Variants in SYNE1 observed in about 807,000 individuals in gnomAD.
SYNE1 encodes nesprin-1.
Under a neutral mutation model 1,111.0 loss-of-function variants are expected in SYNE1, and 616 were observed. The ratio of observed to expected loss-of-function variants is 0.55; its 90% CI spans 0.52 to 0.59. The LOEUF is 0.59. SYNE1 is among the 20% of genes least tolerant of loss of function. The pLI, the probability that SYNE1 is intolerant of heterozygous loss-of-function variation, is 0.00. For synonymous variants in SYNE1, 3,855 were observed against 3,825.8 expected (o/e 1.01, Z -0.28); for missense variants, 10,006 against 10,417.0 (o/e 0.96, Z 1.72).
chr6:152,135,124 C>T lies in SYNE1; in HGVS notation c.25768G>A (p.Asp8590Asn), dbSNP rs1239634339. 1 of 1,614,036 alleles carries T rather than the reference C, an allele frequency of 6.2e-7. No homozygotes were observed. Among genetic ancestry groups the T allele is most frequent in the African/African-American group, 1.3e-5 (1 of 75,012 alleles). The change falls in exon 142 of 146, where the codon GAC becomes AAC. Residue 8590 changes from aspartate (D) to asparagine (N), a missense_variant. Transcript: ENST00000367255. The part of the protein sequence containing the change: ...DSNLDAEILQ[D>N]HHKQLMQIKH... ...CTTACCATAAGCTGTTTGTGATGGT[C>T]CTGAAGTATCTCTGCATCAAGGTTA...
At chr6:152,340,540 G>A (rs533690863) in intron 74 of SYNE1, among the ~76,000 whole-genome samples, 6 of 152,264 alleles carry the variant, frequency 3.9e-5, no homozygotes, top group South Asian at 4.1e-4. Flanking sequence ...AACCAACAAC[G>A]TGTTCAGACA....
intron 130 of SYNE1, among the ~76,000 whole-genome samples, chr6:152,173,553 T>A (rs76087794): frequency 0.019 from 2,849 of 152,280 alleles, 44 homozygotes; most frequent in Non-Finnish European, 0.029. Context: ...GTGGGAAACA[T>A]GCATCCAATC....
At chr6:152,273,041 G>A (rs1430594448) in intron 98 of SYNE1, among the ~76,000 whole-genome samples, 1 of 152,134 alleles carries the variant, frequency 6.6e-6, no homozygotes, top group Non-Finnish European at 1.5e-5. Flanking sequence ...TATATGCTGG[G>A]AACTTCATTA....
At chr6:152,172,910 G>A (rs1218634454) in intron 130 of SYNE1, among the ~76,000 whole-genome samples, 3 of 152,132 alleles carry the variant, frequency 2.0e-5, no homozygotes, top group Non-Finnish European at 4.4e-5. Flanking sequence ...TTAAAATGTG[G>A]CCAGTGCAAC....
rs1416696042 is a variant in SYNE1, at chr6:152,353,302, T to C, written c.11214A>G (p.Val3738=). Residue 3738 remains valine (V), a synonymous_variant, in exon 69 of 146, where the codon GTA becomes GTG. Transcript: ENST00000367255. The part of the protein sequence containing the change: ...FKNVATKIDK[V]DTVMMGKKLK... ...ATTTCTTCCCCATCATTACTGTATC[T>C]ACTTTGTCAATCTTGGTAGCCACAT... The C allele has an allele frequency of 1.2e-6, 2 of 1,614,230 alleles. No individual in the cohort carries two copies. Among genetic ancestry groups the C allele is most frequent in the East Asian group, 4.5e-5 (2 of 44,892 alleles).
rs1402188826 is a variant in SYNE1 at position 152,206,349 on chromosome 6, A to G, written c.22838T>C (p.Val7613Ala). 5.6e-6 allele frequency: 9 copies of G among 1,613,648 alleles called. No individual in the cohort carries two copies. The highest frequency in any genetic ancestry group is 5.9e-6 in the Non-Finnish European group (7 of 1,179,932). ...GTAGCTGCCTTGTTGCCGCAGAAAC[A>G]CTTTTTCTTTGAACTGAAAGGAACC... ...LFDEVQFKEKVFLRQQGSYIL... is the reference protein window; with the variant it reads ...LFDEVQFKEKAFLRQQGSYIL... The change falls in exon 126 of 146, where the codon GTG becomes GCG. Residue 7613 changes from valine (V) to alanine (A), a missense_variant. Physicochemically the swap from Val to Ala is moderately conservative, Grantham distance 64 (BLOSUM62 0). Coordinates refer to ENST00000367255, the MANE Select transcript of SYNE1 (RefSeq NM_182961.4).
At chr6:152,599,591 G>T (rs2099591359) in intron 3 of SYNE1, among the ~76,000 whole-genome samples, 1 of 152,184 alleles carries the variant, frequency 6.6e-6, no homozygotes, top group African/African-American at 2.4e-5. Flanking sequence ...GTGAAAAGTT[G>T]AAAGAGGCTT....
chr6:152,455,225 C>T (rs1363390636), intron 24 of SYNE1, among the ~76,000 whole-genome samples: 2 of 152,178 alleles, frequency 1.3e-5, no homozygotes, highest in South Asian at 4.1e-4. Context: ...TAGGAATGGC[C>T]AATGACAAGT....
rs996677428 is a variant in SYNE1 at position 152,168,405 on chromosome 6, G to T, written c.23628-4080C>A. On this transcript the variant is annotated intron_variant, in intron 130 of 145. Transcript: ENST00000367255. The stretch of plus-strand genomic sequence containing the variant: ...ATAAAACCTACATTCATTAACATGT[G>T]CCAGGCTTGATCTCCTGGAATGTAG... 14 of 555,176 alleles carry T rather than the reference G, an allele frequency of 2.5e-5. No individual in the cohort carries two copies. The Admixed American group carries it at 3.5e-4, about 14-fold the overall frequency. The allele number at this position is 555,176 out of a possible 1,614,324, so 34.4% of individuals were successfully genotyped here. A position where few individuals can be genotyped will look rare whatever the true frequency, so the allele number is the denominator to read the frequency against.
intron 36 of SYNE1, 23 bp downstream of exon 36, chr6:152,430,089 G>T: frequency 6.8e-7 from 1 of 1,462,448 alleles, no homozygotes; most frequent in Non-Finnish European, 9.5e-7. Context: ...GTAAATAGTA[G>T]AAATGTTGAA....
At chr6:152,408,839 GC>G (rs2097951416) in intron 44 of SYNE1, among the ~76,000 whole-genome samples, 1 of 152,016 alleles carries the variant, frequency 6.6e-6, no homozygotes. Context: ...TGTAATCCCA[GC>G]TACTCTCAGG....
intron 38 of SYNE1, among the ~76,000 whole-genome samples, chr6:152,426,807 G>A (rs539606): frequency 6.6e-6 from 1 of 152,214 alleles, no homozygotes; most frequent in African/African-American, 2.4e-5. Context: ...AGGAGAACCA[G>A]AAGAATGGAG....
At chr6:152,239,451 A>G in intron 108 of SYNE1, 82 bp downstream of exon 108, 1 of 1,566,984 alleles carries the variant, frequency 6.4e-7, no homozygotes, top group Non-Finnish European at 8.8e-7. Context: ...GGCAAACTGC[A>G]TGGATAGATA....
rs764114386 is a variant in SYNE1 at position 152,367,275 on chromosome 6, T to C, written c.9915A>G (p.Ser3305=). Residue 3305 remains serine (S), a synonymous_variant, in exon 62 of 146, where the codon TCA becomes TCG. Transcript: ENST00000367255. ...WMTDAIHMLD[S]YCHPTSDKSV... ...TTTTGTCGGATGTCGGGTGGCAGTA[T>C]GAATCCAGCATGTGAATCGCATCCG... The C allele has an allele frequency of 1.2e-5, 19 of 1,614,158 alleles. No individual in the cohort carries two copies. Among genetic ancestry groups the C allele is most frequent in the Non-Finnish European group, 1.4e-5 (17 of 1,180,056 alleles).
chr6:152,284,352 C>T (rs1312199558), intron 95 of SYNE1, among the ~76,000 whole-genome samples, 180 bp from the exon 96 acceptor site: 2 of 152,338 alleles, frequency 1.3e-5, no homozygotes, highest in Admixed American at 6.5e-5. Flanking sequence ...CAGGACTTTT[C>T]TGATTTTATG....
chr6:152,602,162 C>T (rs1464924874), intron 3 of SYNE1, among the ~76,000 whole-genome samples: 1 of 152,124 alleles, frequency 6.6e-6, no homozygotes, highest in Non-Finnish European at 1.5e-5. Context: ...ACTGCCACCA[C>T]CAAATTCATC....
At position 152,310,623 on chromosome 6, in the gene SYNE1, T is replaced by G. The variant is rs374352860; in HGVS notation, c.16896+65A>C. 1.3e-5 allele frequency: 21 copies of G among 1,609,762 alleles called. No homozygotes were observed. The African/African-American group carries it at 2.4e-4, about 18-fold the overall frequency. ...TCACAGGTGAGCACTATTTCCATAG[T>G]GGCATTGCCATTTTCTTTCAATGAT... On this transcript the variant is annotated intron_variant, in intron 88 of 145. Transcript: ENST00000367255.
chr6:152,326,417 T>C lies in SYNE1; in HGVS notation c.15172A>G (p.Thr5058Ala). The C allele has an allele frequency of 6.2e-7, 1 of 1,614,174 alleles. No homozygotes were observed. Among genetic ancestry groups the C allele is most frequent in the Non-Finnish European group, 8.5e-7 (1 of 1,180,028 alleles). The change falls in exon 79 of 146, where the codon ACC becomes GCC. Residue 5058 changes from threonine to alanine, a missense_variant. This residue lies in a region of SYNE1 where 4,955 missense variants were observed against 5,017.2 expected (regional missense o/e 0.99). Coordinates refer to ENST00000367255, the MANE Select transcript of SYNE1 (RefSeq NM_182961.4). ...GTTGGCTTGATGAGTGGGTCCAGGG[T>C]GGCTACCAGGCTGTGGAGCTCCTCC... ...NLEELHSLVA[T>A]LDPLIKPTGK...
chr6:152,600,797 A>C (rs927397412), intron 3 of SYNE1, among the ~76,000 whole-genome samples: 1 of 152,200 alleles, frequency 6.6e-6, no homozygotes, highest in African/African-American at 2.4e-5. Flanking sequence ...TTTTATAAAG[A>C]ATAAAAGAGA....
Sources: allele counts gnomAD v4.1 joint callset (sites outside exome capture counted in the v4.1 genomes callset), GRCh38; gene constraint gnomAD v4.1.1; regional missense constraint gnomAD v4.1.1; transcripts MANE v1.5; gene names NCBI Gene and HGNC (gene_info 2026-07-23, HGNC 2026-07-21).